The following AKIRIN1 variants were observed in gnomAD, a reference collection of about 807,000 sequenced individuals.
AKIRIN1 encodes akirin-1.
A neutral mutation model predicts 25.9 loss-of-function variants in AKIRIN1; 4 were observed. That is an observed-to-expected ratio of 0.15 (90% CI 0.08 to 0.35). The LOEUF is 0.35. AKIRIN1 is among the 10% of genes least tolerant of loss of function. The pLI, the probability that AKIRIN1 is intolerant of heterozygous loss-of-function variation, is 1.00. For synonymous variants in AKIRIN1, 125 were observed against 105.1 expected (o/e 1.19, Z -1.16); for missense variants, 243 against 266.1 (o/e 0.91, Z 0.61).
intron 2 of AKIRIN1, among the ~76,000 whole-genome samples, chr1:38,999,240 C>T (rs866078443): frequency 6.6e-6 from 1 of 152,170 alleles, no homozygotes; most frequent in Non-Finnish European, 1.5e-5. Flanking sequence ...CTTAACAGTT[C>T]TAAAGGTTAA....
chr1:38,992,358 C>T (rs993075465), intron 1 of AKIRIN1, among the ~76,000 whole-genome samples: 3 of 152,060 alleles, frequency 2.0e-5, no homozygotes, highest in African/African-American at 7.2e-5. Flanking sequence ...CACCTCATAG[C>T]GCAGGAGTAG....
At chr1:39,003,085 A>G (rs1289189280) in intron 3 of AKIRIN1, among the ~76,000 whole-genome samples, 1 of 152,208 alleles carries the variant, frequency 6.6e-6, no homozygotes, top group African/African-American at 2.4e-5. Context: ...GAGTTATGTC[A>G]CGGGGGAGAG....
At chr1:39,002,970 A>G (rs992858646) in intron 3 of AKIRIN1, among the ~76,000 whole-genome samples, 5 of 152,258 alleles carry the variant, frequency 3.3e-5, no homozygotes, top group Admixed American at 6.5e-5. Flanking sequence ...TTTTCACTCA[A>G]TGTGTGTTGA....
At chr1:38,996,182 CCTCCTGGGTTGAAGCAATT>C (rs1643947079) in intron 1 of AKIRIN1, among the ~76,000 whole-genome samples, 1 of 151,778 alleles carries the variant, frequency 6.6e-6, no homozygotes, top group Non-Finnish European at 1.5e-5. Flanking sequence ...GCAATCTCCA[CCTCCTGGGTTGAAGCAATT>C]CTCCTGCCTC....
At chr1:38,999,942 G>C (rs531506919) in intron 2 of AKIRIN1, among the ~76,000 whole-genome samples, 18 of 152,048 alleles carry the variant, frequency 1.2e-4, no homozygotes, top group African/African-American at 4.3e-4. Context: ...GAGTGCAGTG[G>C]CGTCATCTCA....
intron 1 of AKIRIN1, among the ~76,000 whole-genome samples, chr1:38,994,686 T>A (rs1473172471): frequency 1.3e-4 from 15 of 117,086 alleles, no homozygotes; most frequent in Middle Eastern, 7.8e-3. Context: ...TTTTTTTTTT[T>A]TTTTTTTTTT....
At chr1:38,994,530 C>T (rs1438420743) in intron 1 of AKIRIN1, among the ~76,000 whole-genome samples, 1 of 152,050 alleles carries the variant, frequency 6.6e-6, no homozygotes, top group Non-Finnish European at 1.5e-5. Flanking sequence ...TTTTTTGAGA[C>T]AGAGTCACTC....
At chr1:38,991,941 C>G (rs184598272) in intron 1 of AKIRIN1, among the ~76,000 whole-genome samples, 560 of 147,256 alleles carry the variant, frequency 3.8e-3, no homozygotes, top group Non-Finnish European at 5.2e-3. Context: ...CCGAGCAACC[C>G]TGCAGATCCA....
chr1:38,991,566 C>A lies in AKIRIN1; in HGVS notation c.186C>A (p.Ala62=). 5 of 1,374,362 alleles carry A rather than the reference C, an allele frequency of 3.6e-6. No homozygotes were observed. The highest frequency in any genetic ancestry group is 5.3e-4 in the Middle Eastern group (2 of 3,756). 85.1% of individuals were successfully genotyped at this position (1,374,362 alleles called of 1,614,324 possible). A position where few individuals can be genotyped will look rare whatever the true frequency, so the allele number is the denominator to read the frequency against. The change falls in exon 1 of 5, where the codon GCC becomes GCA. Residue 62 remains alanine, a synonymous_variant. Transcript: ENST00000432648. ...CACCGCAGAGTCTGCAGCAGCCCGCCCCGCCCGGCAGCGAGCGGCGCCTTC... is the reference window on the plus strand; with the variant it reads ...CACCGCAGAGTCTGCAGCAGCCCGCACCGCCCGGCAGCGAGCGGCGCCTTC... ...QTPPQSLQQP[A]PPGSERRLPT... is the part of the protein sequence containing the mutation.
At chr1:38,993,679 C>T (rs1468270923) in intron 1 of AKIRIN1, among the ~76,000 whole-genome samples, 1 of 151,350 alleles carries the variant, frequency 6.6e-6, no homozygotes, top group Non-Finnish European at 1.5e-5. Flanking sequence ...TGGCTCACAC[C>T]TGCAATCCCA....
Position 38,991,677 on chromosome 1 carries a change from G to GGGGGGGC in AKIRIN1, c.220+77_220+78insGGGGGGC. On this transcript the variant is annotated intron_variant, in intron 1 of 4. Coordinates refer to ENST00000432648, the MANE Select transcript of AKIRIN1 (RefSeq NM_024595.3). ...GGGGGGGGTGGTGGGGGAGGGTTGG[G>GGGGGGGC]AATACCAGGCCAGTTTACCCAGGGA... 9 of 192,412 alleles carry GGGGGGGC rather than the reference G, an allele frequency of 4.7e-5. 2 individuals are homozygous for GGGGGGGC. The highest frequency in any genetic ancestry group is 8.6e-5 in the Non-Finnish European group (8 of 92,724). The allele number at this position is 192,412 out of a possible 1,614,324, so 11.9% of individuals were successfully genotyped here. A position where few individuals can be genotyped will look rare whatever the true frequency, so the allele number is the denominator to read the frequency against.
In AKIRIN1 at chr1:39,001,025, A is replaced by G. The variant is rs1218081615; in HGVS notation, c.415A>G (p.Ile139Val). The change falls in exon 3 of 5, where the codon ATA becomes GTA. Residue 139 changes from isoleucine to valine, a missense_variant. Physicochemically the swap from Ile to Val is conservative, Grantham distance 29. This residue lies in a region of AKIRIN1 where 190 missense variants were observed against 174.4 expected (regional missense o/e 1.09). Transcript: ENST00000432648. ...QPTFTLRQVG[I>V]ICERLLKDYE... The stretch of plus-strand genomic sequence containing the variant: ...CACATTTACCCTCCGACAAGTTGGC[A>G]TAATATGTGAGCGCCTCTTAAAAGA... 2 of 1,613,892 alleles carry G rather than the reference A, an allele frequency of 1.2e-6. No homozygotes were observed. The highest frequency in any genetic ancestry group is 2.7e-5 in the African/African-American group (2 of 74,914).
intron 1 of AKIRIN1, among the ~76,000 whole-genome samples, chr1:38,997,231 T>C (rs1570973004): frequency 6.6e-6 from 1 of 152,190 alleles, no homozygotes; most frequent in East Asian, 1.9e-4. Flanking sequence ...AACCACATCC[T>C]TTTAGATTCT....
intron 3 of AKIRIN1, 54 bp downstream of exon 3, chr1:39,001,160 A>C: frequency 1.9e-6 from 3 of 1,545,836 alleles, no homozygotes; most frequent in Non-Finnish European, 2.6e-6. Flanking sequence ...TTAAAAATTA[A>C]CACCAGTTAA....
intron 3 of AKIRIN1, among the ~76,000 whole-genome samples, chr1:39,002,904 G>C (rs1476612154): frequency 6.6e-6 from 1 of 152,184 alleles, no homozygotes; most frequent in African/African-American, 2.4e-5. Flanking sequence ...TTTGCAGTTA[G>C]ATGGTATAGA....
intron 1 of AKIRIN1, among the ~76,000 whole-genome samples, chr1:38,992,126 T>G (rs998478826): frequency 6.6e-6 from 1 of 152,208 alleles, no homozygotes; most frequent in Non-Finnish European, 1.5e-5. Flanking sequence ...GGAATCCGAT[T>G]TCAACCTGAT....
At chr1:38,991,626 C>T (rs746979222) in intron 1 of AKIRIN1, 26 bp downstream of exon 1, 3 of 1,110,806 alleles carry the variant, frequency 2.7e-6, no homozygotes, top group Non-Finnish European at 3.3e-6. Context: ...CTGGGTTTGG[C>T]AGGAAGCCAG....
chr1:38,996,623 C>T (rs958564904), intron 1 of AKIRIN1, among the ~76,000 whole-genome samples: 2 of 151,900 alleles, frequency 1.3e-5, no homozygotes, highest in Non-Finnish European at 1.5e-5. Context: ...TCCACCTCCC[C>T]GGTTCAAGAG....
At chr1:38,998,150 A>C (rs929024585) in intron 1 of AKIRIN1, 21 bp from the exon 2 acceptor site, 1 of 1,598,592 alleles carries the variant, frequency 6.3e-7, no homozygotes, top group Non-Finnish European at 8.5e-7. Flanking sequence ...TGAAAGCTCA[A>C]GTTTGTTTCT....
Sources: allele counts gnomAD v4.1 joint callset (sites outside exome capture counted in the v4.1 genomes callset), GRCh38; gene constraint gnomAD v4.1.1; regional missense constraint gnomAD v4.1.1; transcripts MANE v1.5; gene names NCBI Gene and HGNC (gene_info 2026-07-23, HGNC 2026-07-21).